Variants in GALNT14 observed in about 807,000 individuals in gnomAD.
GALNT14 encodes the protein UDP-GalNAc:polypeptide N-acetylgalactosaminyltransferase 14.
A neutral mutation model predicts 77.5 loss-of-function variants in GALNT14; 60 were observed. That is an observed-to-expected ratio of 0.77 (90% CI 0.63 to 0.96). GALNT14 has a LOEUF of 0.96. GALNT14 is among the 40% of genes least tolerant of loss of function. The pLI is 0.00. For synonymous variants in GALNT14, 280 were observed against 281.7 expected, an observed-to-expected ratio of 0.99 and a Z score of 0.06; for missense variants, 710 against 731.0, an observed-to-expected ratio of 0.97 and a Z score of 0.33.
At position 30,923,027 on chromosome 2, in the gene GALNT14, G is replaced by A. The variant is rs57209275; in HGVS notation, c.1380+1092C>T. On this transcript the variant is annotated intron_variant, in intron 13 of 14. Coordinates refer to ENST00000349752, the MANE Select transcript of GALNT14 (RefSeq NM_024572.4). ...AAGGGTATGAGAGTGGGGGTGAGGA[G>A]TTAGCAAGGAAGCCATAGACAAACG... Among the ~76,000 whole-genome samples the A allele has an allele frequency of 1.6e-3, 241 of 148,936 alleles. 1 individual carries two copies. The highest frequency in any genetic ancestry group is 5.7e-3 in the African/African-American group (233 of 40,526).
chr2:31,004,945 T>G (rs749027870), intron 1 of GALNT14, among the ~76,000 whole-genome samples: 2 of 152,168 alleles, frequency 1.3e-5, no homozygotes, highest in Non-Finnish European at 1.5e-5. Context: ...CTGGAGTCAC[T>G]GAGAAATGTG....
At chr2:31,021,117 G>A (rs998688443) in intron 1 of GALNT14, among the ~76,000 whole-genome samples, 1 of 152,046 alleles carries the variant, frequency 6.6e-6, no homozygotes, top group African/African-American at 2.4e-5. Context: ...ACAAGAGCTT[G>A]AACAGCCAGC....
At chr2:31,114,827 C>A (rs868468895) in intron 1 of GALNT14, 4 of 717,132 alleles carry the variant, frequency 5.6e-6, no homozygotes, top group Admixed American at 2.0e-5. Context: ...AAGGTGTCCT[C>A]CTAAGTCCCA....
At chr2:31,039,685 T>A (rs76691676) in intron 1 of GALNT14, among the ~76,000 whole-genome samples, 1 of 53,794 alleles carries the variant, frequency 1.9e-5, no homozygotes, top group African/African-American at 6.3e-5. Context: ...AGAAGATCTC[T>A]TTTTTTTTCT....
chr2:30,966,125 G>T (rs1667989029), intron 3 of GALNT14, 79 bp downstream of exon 3: 7 of 1,054,824 alleles, frequency 6.6e-6, no homozygotes, highest in East Asian at 2.4e-5. Flanking sequence ...CTAGTACAGC[G>T]CTGGGCACCT....
At chr2:31,114,860 A>G (rs1299675343) in intron 1 of GALNT14, 1 of 713,986 alleles carries the variant, frequency 1.4e-6, no homozygotes, top group Non-Finnish European at 2.6e-6. Context: ...AAATGTCATG[A>G]GCTCCAAACA....
At chr2:30,909,376 A>G (rs1664242146), downstream of GALNT14, among the ~76,000 whole-genome samples, 1 of 152,008 alleles carries the variant, frequency 6.6e-6, no homozygotes, top group African/African-American at 2.4e-5. Flanking sequence ...AAAAACAAAC[A>G]ACCCCATCAA....
the GALNT14 span, among the ~76,000 whole-genome samples, chr2:30,901,283 A>G: frequency 6.6e-6 from 1 of 152,128 alleles, no homozygotes; most frequent in Non-Finnish European, 1.5e-5. Context: ...CACTCAAGAG[A>G]GTGAGTCTCA....
chr2:30,957,320 C>A (rs1326428737), intron 4 of GALNT14, among the ~76,000 whole-genome samples: 2 of 152,138 alleles, frequency 1.3e-5, no homozygotes, highest in Non-Finnish European at 2.9e-5. Flanking sequence ...TTGCCCAAGG[C>A]ACATAGCTAG....
intron 1 of GALNT14, among the ~76,000 whole-genome samples, chr2:31,010,688 C>G (rs1014898142): frequency 2.6e-5 from 4 of 152,174 alleles, no homozygotes; most frequent in African/African-American, 9.7e-5. Context: ...ACTCAGAATG[C>G]TGTCCTCACT....
At chr2:31,105,800 T>C (rs1677526760) in intron 1 of GALNT14, among the ~76,000 whole-genome samples, 1 of 152,152 alleles carries the variant, frequency 6.6e-6, no homozygotes, top group African/African-American at 2.4e-5. Context: ...GGAGTTCCAC[T>C]GCTTTCGGAC....
intron 1 of GALNT14, among the ~76,000 whole-genome samples, chr2:31,135,993 G>C (rs568072786): frequency 1.3e-5 from 2 of 152,302 alleles, no homozygotes; most frequent in East Asian, 3.9e-4. Flanking sequence ...GAATAAGCAA[G>C]CTTAAGGTAA....
intron 2 of GALNT14, among the ~76,000 whole-genome samples, chr2:30,981,755 C>G (rs4952016): frequency 0.02 from 2,971 of 152,200 alleles, 42 homozygotes; most frequent in East Asian, 0.064. Flanking sequence ...CTTTTACCGG[C>G]AGAAGTATTT....
chr2:31,066,243 A>G (rs1281800557), intron 1 of GALNT14, among the ~76,000 whole-genome samples: 3 of 152,054 alleles, frequency 2.0e-5, no homozygotes, highest in East Asian at 3.9e-4. Context: ...GCCCCCCCAG[A>G]GGCCAGGGCA....
chr2:31,070,756 C>T (rs116595433), intron 1 of GALNT14, among the ~76,000 whole-genome samples: 2 of 152,306 alleles, frequency 1.3e-5, no homozygotes, highest in African/African-American at 2.4e-5. Flanking sequence ...TGGGATGATC[C>T]AAAATCCTTT....
At chr2:30,916,907 T>C (rs1381229369) in intron 13 of GALNT14, among the ~76,000 whole-genome samples, 1 of 151,426 alleles carries the variant, frequency 6.6e-6, no homozygotes, top group African/African-American at 2.4e-5. Context: ...TGAAACCCCA[T>C]CTCTACCAAA....
At chr2:30,889,913 C>G in the GALNT14 span, among the ~76,000 whole-genome samples, 19 of 152,140 alleles carry the variant, frequency 1.2e-4, no homozygotes, top group Non-Finnish European at 2.5e-4. Context: ...ACTCTAAAAG[C>G]ACTTAACAAG....
the GALNT14 span, among the ~76,000 whole-genome samples, chr2:30,900,967 A>C: frequency 6.6e-6 from 1 of 152,172 alleles, no homozygotes. Flanking sequence ...GCAGGACTAA[A>C]ATTTTGGGTA....
intron 13 of GALNT14, among the ~76,000 whole-genome samples, 200 bp from the exon 14 acceptor site, chr2:30,912,542 C>T (rs1448910877): frequency 6.6e-6 from 1 of 152,230 alleles, no homozygotes; most frequent in Non-Finnish European, 1.5e-5. Flanking sequence ...TGGAAATCTC[C>T]ATCCACCCCA....
Sources: gnomAD v4.1 joint callset for allele counts (sites outside exome capture counted in the v4.1 genomes callset) on GRCh38, gnomAD v4.1.1 for gene constraint, MANE v1.5 for transcripts, NCBI Gene and HGNC (gene_info 2026-07-23, HGNC 2026-07-21) for gene names.